The following NBAS variants were observed in gnomAD, a reference collection of about 807,000 sequenced individuals.
The protein encoded by NBAS is NBAS subunit of NRZ tethering complex.
Under a neutral mutation model 302.5 loss-of-function variants are expected in NBAS, and 219 were observed. That is an observed-to-expected ratio of 0.72 (90% CI 0.65 to 0.81). The LOEUF is 0.81. NBAS is among the 30% of genes least tolerant of loss of function. The pLI, the probability that NBAS is intolerant of heterozygous loss-of-function variation, is 0.00. For synonymous variants in NBAS, 1,118 were observed against 1,021.6 expected (o/e 1.09, Z -1.80); for missense variants, 2,932 against 2,841.6 (o/e 1.03, Z -0.72).
the NBAS span, among the ~76,000 whole-genome samples, chr2:14,888,971 G>A: frequency 7.9e-5 from 12 of 152,130 alleles, no homozygotes; most frequent in Admixed American, 6.5e-4. Flanking sequence ...ACTTCCCGCG[G>A]GCCTGTGCCT....
At chr2:15,548,154 C>T (rs1664205809) in intron 6 of NBAS, among the ~76,000 whole-genome samples, 1 of 152,238 alleles carries the variant, frequency 6.6e-6, no homozygotes, top group South Asian at 2.1e-4. Context: ...TTGGTATATT[C>T]ATTCATCCAT....
chr2:15,387,185 A>T (rs1341820149), intron 28 of NBAS, among the ~76,000 whole-genome samples: 1 of 151,124 alleles, frequency 6.6e-6, no homozygotes, highest in Non-Finnish European at 1.5e-5. Flanking sequence ...CTCCTGCCTC[A>T]GCCTCCCAAG....
chr2:15,287,005 A>G, intron 42 of NBAS, 68 bp downstream of exon 42: 1 of 1,276,672 alleles, frequency 7.8e-7, no homozygotes, highest in Non-Finnish European at 1.1e-6. Flanking sequence ...CAACTTCTTC[A>G]AGAGTCTTCA....
intron 9 of NBAS, among the ~76,000 whole-genome samples, chr2:15,530,053 T>C (rs1663147939): frequency 6.6e-6 from 1 of 152,126 alleles, no homozygotes; most frequent in South Asian, 2.1e-4. Flanking sequence ...CCTACTGTAG[T>C]TAATATTTTT....
At position 15,561,238 on chromosome 2, in the gene NBAS, G is replaced by T; in HGVS notation, c.67C>A (p.Leu23Ile). ...GTAEGEEETI[L>I]YDLLVNTEWP... ...TCGGTGTTGACCAACAAGTCATAGA[G>T]AATCGTCTCCTCCTCACCCTCTGCA... Residue 23 changes from leucine to isoleucine, a missense_variant, in exon 1 of 52, where the codon CTC becomes ATC. Transcript: ENST00000281513. 1 of 1,614,018 alleles carries T rather than the reference G, an allele frequency of 6.2e-7. No homozygotes were observed.
At chr2:15,404,601 C>G (rs1676318657) in intron 25 of NBAS, among the ~76,000 whole-genome samples, 1 of 151,916 alleles carries the variant, frequency 6.6e-6, no homozygotes, top group African/African-American at 2.4e-5. Context: ...CAACCTCCAC[C>G]TCCCAGGTCC....
intron 41 of NBAS, among the ~76,000 whole-genome samples, chr2:15,289,274 GT>G (rs975836460): frequency 6.6e-6 from 1 of 151,892 alleles, no homozygotes; most frequent in Non-Finnish European, 1.5e-5. Flanking sequence ...TTTTGTTTTT[GT>G]TTTTTTGGTA....
In NBAS at chr2:15,556,920, G is replaced by A. The variant is rs564707429; in HGVS notation, c.173-101C>T. 28 of 906,458 alleles carry A rather than the reference G, an allele frequency of 3.1e-5. 1 individual carries two copies. The South Asian group carries it at 3.3e-4, about 11-fold the overall frequency. The allele number at this position is 906,458 out of a possible 1,614,324, so 56.2% of individuals were successfully genotyped here. On this transcript the variant is annotated intron_variant, in intron 2 of 51. Transcript: ENST00000281513. ...AGAAATCTAAAATATACTACAGAGC[G>A]AGTCATTAAAAAAAATAAAGAACTC... is the stretch of plus-strand genomic sequence containing the variant.
chr2:14,968,064 C>T, the NBAS span, among the ~76,000 whole-genome samples: 12,683 of 152,170 alleles, frequency 0.083, 1,442 homozygotes, highest in African/African-American at 0.24. Context: ...TCGGGCCATT[C>T]TTGTACTTAC....
At chr2:14,994,294 A>G in the NBAS span, among the ~76,000 whole-genome samples, 2 of 152,236 alleles carry the variant, frequency 1.3e-5, no homozygotes, top group Non-Finnish European at 2.9e-5. Flanking sequence ...AGCTTCAACC[A>G]TTGAGAGATG....
At chr2:15,041,412 C>T in the NBAS span, among the ~76,000 whole-genome samples, 11 of 152,192 alleles carry the variant, frequency 7.2e-5, no homozygotes, top group African/African-American at 2.7e-4. Flanking sequence ...TGTCTTTTTC[C>T]AGAAAAACCA....
At chr2:15,508,910 G>A (rs1449878336) in intron 10 of NBAS, among the ~76,000 whole-genome samples, 3 of 152,114 alleles carry the variant, frequency 2.0e-5, no homozygotes, top group African/African-American at 7.2e-5. Context: ...GGCTGAGATG[G>A]GAGAATCGCT....
At chr2:15,151,360 A>T in the NBAS span, among the ~76,000 whole-genome samples, 1 of 152,370 alleles carries the variant, frequency 6.6e-6, no homozygotes, top group South Asian at 2.1e-4. Context: ...ACAAGCAGGC[A>T]CAAACCCATC....
chr2:15,338,416 A>G (rs1330024801), intron 35 of NBAS, among the ~76,000 whole-genome samples: 1 of 152,168 alleles, frequency 6.6e-6, no homozygotes, highest in African/African-American at 2.4e-5. Flanking sequence ...AATACTAAGC[A>G]TGCAATCCTT....
chr2:15,312,143 G>C (rs1178973625), intron 38 of NBAS, among the ~76,000 whole-genome samples: 3 of 152,204 alleles, frequency 2.0e-5, no homozygotes, highest in Non-Finnish European at 4.4e-5. Flanking sequence ...TTCCTCAGAT[G>C]ATCCTCCTCT....
At chr2:14,977,257 GACTTT>G in the NBAS span, among the ~76,000 whole-genome samples, 2 of 152,114 alleles carry the variant, frequency 1.3e-5, no homozygotes, top group Non-Finnish European at 2.9e-5. Flanking sequence ...ACATATGTTG[GACTTT>G]ACAGACAAGA....
the NBAS span, among the ~76,000 whole-genome samples, chr2:14,881,303 A>C: frequency 1.3e-5 from 2 of 152,340 alleles, no homozygotes; most frequent in African/African-American, 4.8e-5. Context: ...TAGGAACTTA[A>C]CTATGGGTAC....
At chr2:14,786,366 T>G in the NBAS span, among the ~76,000 whole-genome samples, 1 of 152,168 alleles carries the variant, frequency 6.6e-6, no homozygotes, top group African/African-American at 2.4e-5. Context: ...TCTGCTAGCT[T>G]TTGAATGTGT....
intron 23 of NBAS, among the ~76,000 whole-genome samples, chr2:15,419,846 G>A (rs1343333629): frequency 2.0e-5 from 3 of 151,856 alleles, no homozygotes; most frequent in Admixed American, 6.6e-5. Context: ...CGAGTAGTTG[G>A]GACTGCAGGC....
Sources: allele counts gnomAD v4.1 joint callset (sites outside exome capture counted in the v4.1 genomes callset), GRCh38; gene constraint gnomAD v4.1.1; transcripts MANE v1.5; gene names NCBI Gene and HGNC (gene_info 2026-07-23, HGNC 2026-07-21).